PCSK5: variants seen among roughly 807,000 people sequenced by gnomAD.
PCSK5 encodes prohormone convertase 5.
Under a neutral mutation model 233.2 loss-of-function variants are expected in PCSK5, and 129 were observed. The observed-to-expected ratio is 0.55, with a 90% CI of 0.48 to 0.64. PCSK5 has a LOEUF of 0.64. PCSK5 is among the 30% of genes least tolerant of loss of function. The pLI is 0.00. For synonymous variants in PCSK5, 825 were observed against 879.2 expected, an observed-to-expected ratio of 0.94 and a Z score of 1.09; for missense variants, 2,076 against 2,430.1, an observed-to-expected ratio of 0.85 and a Z score of 3.06.
At chr9:75,920,138 A>G (rs1210667290) in intron 1 of PCSK5, among the ~76,000 whole-genome samples, 2 of 152,202 alleles carry the variant, frequency 1.3e-5, no homozygotes, top group Non-Finnish European at 2.9e-5. Flanking sequence ...AGCCTGAGAG[A>G]CAGAGTGAGA....
intron 5 of PCSK5, among the ~76,000 whole-genome samples, chr9:76,064,655 G>A (rs1203588097): frequency 4.0e-5 from 6 of 148,736 alleles, no homozygotes; most frequent in Non-Finnish European, 6.0e-5. Context: ...CTTCTCAGAC[G>A]GGGTGGTTGC....
At chr9:76,171,676 T>G (rs1178843019) in intron 13 of PCSK5, among the ~76,000 whole-genome samples, 2 of 152,160 alleles carry the variant, frequency 1.3e-5, no homozygotes, top group African/African-American at 2.4e-5. Flanking sequence ...GCTCAGATAA[T>G]CTAGAGTTAC....
intron 20 of PCSK5, among the ~76,000 whole-genome samples, chr9:76,220,297 C>T (rs991831197): frequency 3.3e-4 from 50 of 151,950 alleles, no homozygotes; most frequent in Non-Finnish European, 6.0e-4. Flanking sequence ...GAGGCTGAGG[C>T]GGGCGGATCA....
intron 21 of PCSK5, among the ~76,000 whole-genome samples, chr9:76,232,428 G>A (rs1374579772): frequency 6.6e-6 from 1 of 152,150 alleles, no homozygotes; most frequent in Non-Finnish European, 1.5e-5. Flanking sequence ...TATTACATAG[G>A]AATCATTTAG....
At chr9:76,289,502 C>CAT (rs1564159524) in intron 24 of PCSK5, among the ~76,000 whole-genome samples, 27 of 125,518 alleles carry the variant, frequency 2.2e-4, no homozygotes, top group African/African-American at 8.1e-4. Context: ...CACACACACA[C>CAT]ACACACACGC....
intron 12 of PCSK5, among the ~76,000 whole-genome samples, chr9:76,163,504 T>C (rs1038661877): frequency 1.3e-5 from 2 of 152,214 alleles, no homozygotes; most frequent in Non-Finnish European, 2.9e-5. Context: ...GATCATTCAG[T>C]GGGTGTGTGC....
chr9:76,069,352 A>G (rs987948401), intron 6 of PCSK5, among the ~76,000 whole-genome samples: 4 of 152,188 alleles, frequency 2.6e-5, no homozygotes, highest in Admixed American at 1.3e-4. Context: ...GTTCTTATCA[A>G]TACTCTCCAG....
At chr9:76,015,335 C>G (rs1479433676) in intron 3 of PCSK5, among the ~76,000 whole-genome samples, 1 of 152,202 alleles carries the variant, frequency 6.6e-6, no homozygotes, top group African/African-American at 2.4e-5. Flanking sequence ...AAACGCTAAT[C>G]CCTTCTGGAA....
intron 37 of PCSK5, among the ~76,000 whole-genome samples, chr9:76,355,808 A>G (rs1830286242): frequency 6.6e-6 from 1 of 151,736 alleles, no homozygotes; most frequent in Non-Finnish European, 1.5e-5. Context: ...GGTTCAAGCT[A>G]TTCTTCTACC....
chr9:76,041,094 C>G (rs1333254191), intron 5 of PCSK5, among the ~76,000 whole-genome samples: 1 of 152,162 alleles, frequency 6.6e-6, no homozygotes, highest in Non-Finnish European at 1.5e-5. Flanking sequence ...GGGTGTAGCT[C>G]TCTCTTCCTC....
chr9:75,896,511 A>G lies in PCSK5; in HGVS notation c.192+5138A>G, dbSNP rs140233911. 4.9e-3 allele frequency among the ~76,000 whole-genome samples: 748 copies of G among 152,202 alleles called. 4 individuals carry two copies. Among genetic ancestry groups the G allele is most frequent in the African/African-American group, 0.017 (699 of 41,518 alleles). ...AAATATCCCCTGGGCAGGGAGGGAT[A>G]TTTTTGTTGTCGGTTCAAGTTATGT... On this transcript the variant is annotated intron_variant, in intron 1 of 37. Transcript: ENST00000674117.
chr9:75,987,843 G>C (rs1826588999), intron 3 of PCSK5, among the ~76,000 whole-genome samples: 1 of 152,178 alleles, frequency 6.6e-6, no homozygotes. Flanking sequence ...AAGCAAAGCT[G>C]CCTCTACACC....
chr9:76,338,702 C>T (rs899899380), intron 35 of PCSK5, among the ~76,000 whole-genome samples: 9 of 152,116 alleles, frequency 5.9e-5, no homozygotes, highest in African/African-American at 1.2e-4. Context: ...AAGTATTGTT[C>T]GTTCACTCAT....
chr9:76,188,476 C>T, intron 17 of PCSK5, 102 bp from the exon 18 acceptor site: 1 of 729,336 alleles, frequency 1.4e-6, no homozygotes, highest in Non-Finnish European at 2.4e-6. Context: ...ATCCACTGGC[C>T]TCTGAGGGAA....
At chr9:76,261,884 A>T (rs1177734688) in intron 24 of PCSK5, among the ~76,000 whole-genome samples, 2 of 152,182 alleles carry the variant, frequency 1.3e-5, no homozygotes, top group African/African-American at 2.4e-5. Flanking sequence ...GAAGTTGCTT[A>T]TTAGCTTAAG....
At chr9:75,958,363 A>G (rs887030285) in intron 2 of PCSK5, among the ~76,000 whole-genome samples, 1 of 152,218 alleles carries the variant, frequency 6.6e-6, no homozygotes, top group Non-Finnish European at 1.5e-5. Flanking sequence ...AGTGCAGCTC[A>G]GGGGAGGAGA....
chr9:75,962,796 G>C lies in PCSK5; in HGVS notation c.298-23336G>C, dbSNP rs565762787. Among the ~76,000 whole-genome samples, 10 of 152,324 alleles carry C rather than the reference G, an allele frequency of 6.6e-5. No homozygotes were observed. In the South Asian group the frequency reaches 2.1e-3, roughly 32 times the overall value. On this transcript the variant is annotated intron_variant, in intron 2 of 37. Coordinates refer to ENST00000674117, the MANE Select transcript of PCSK5 (RefSeq NM_001372043.1). ...CACACCCAAGTGGCTGGCGGAAATT[G>C]AAATGGGACCCACAGAAGTGCTGAG...
chr9:76,016,019 C>T (rs1168793012), intron 3 of PCSK5, among the ~76,000 whole-genome samples: 4 of 152,220 alleles, frequency 2.6e-5, no homozygotes, highest in African/African-American at 9.6e-5. Flanking sequence ...TCATCCCTGA[C>T]TCGCCCTTTG....
intron 2 of PCSK5, among the ~76,000 whole-genome samples, chr9:75,936,731 ACTC>A (rs1445020905): frequency 2.0e-5 from 3 of 152,098 alleles, no homozygotes; most frequent in African/African-American, 7.2e-5. Context: ...CTTCCATCAA[ACTC>A]CTGTTAATAT....
Sources: allele counts gnomAD v4.1 joint callset (sites outside exome capture counted in the v4.1 genomes callset), GRCh38; gene constraint gnomAD v4.1.1; transcripts MANE v1.5; gene names NCBI Gene and HGNC (gene_info 2026-07-23, HGNC 2026-07-21).